HYDIN: variants seen among roughly 807,000 people sequenced by gnomAD.
HYDIN encodes axonemal central pair apparatus protein HYDIN.
Under a neutral mutation model 403.9 loss-of-function variants are expected in HYDIN, and 132 were observed. The ratio of observed to expected loss-of-function variants is 0.33; its 90% CI spans 0.28 to 0.38. The LOEUF (loss-of-function observed/expected upper bound fraction) is 0.38. Ranked by LOEUF, HYDIN falls within the 10% of genes least tolerant of loss-of-function variation. The pLI, the probability that HYDIN is intolerant of heterozygous loss-of-function variation, is 1.00. For missense variants in HYDIN, 2,827 were observed against 5,009.5 expected, an observed-to-expected ratio of 0.56 and a Z score of 13.15; for synonymous variants, 1,202 against 1,891.7, an observed-to-expected ratio of 0.64 and a Z score of 9.46.
At chr16:71,198,833 A>G (rs749804182) in intron 1 of HYDIN, among the ~76,000 whole-genome samples, 1 of 152,232 alleles carries the variant, frequency 6.6e-6, no homozygotes, top group Non-Finnish European at 1.5e-5. Context: ...TAACAAACTC[A>G]GACAAGTTGG....
chr16:70,993,576 T>G (rs546670802), intron 23 of HYDIN, among the ~76,000 whole-genome samples: 1 of 151,678 alleles, frequency 6.6e-6, no homozygotes, highest in East Asian at 1.9e-4. Flanking sequence ...ATCTTTTTGT[T>G]GATGGACACC....
intron 1 of HYDIN, among the ~76,000 whole-genome samples, chr16:71,229,550 T>C (rs2041188645): frequency 6.6e-6 from 1 of 152,156 alleles, no homozygotes; most frequent in Non-Finnish European, 1.5e-5. Flanking sequence ...TTCAATAGAA[T>C]AGTACGCAGC....
At chr16:71,203,207 T>C (rs536383162) in intron 1 of HYDIN, among the ~76,000 whole-genome samples, 5 of 152,154 alleles carry the variant, frequency 3.3e-5, no homozygotes, top group South Asian at 2.1e-4. Flanking sequence ...ATAGCAGACA[T>C]TGAGAGCAGT....
Position 70,807,157 on chromosome 16 carries a change from T to C in HYDIN, c.*423A>G, listed in dbSNP as rs141255159. 2.2e-4 allele frequency among the ~76,000 whole-genome samples: 33 copies of C among 152,340 alleles called. 1 individual carries two copies. The East Asian group carries it at 3.1e-3, about 14-fold the overall frequency. On this transcript the variant is annotated 3_prime_UTR_variant, in exon 86 of 86. Coordinates refer to ENST00000393567, the MANE Select transcript of HYDIN (RefSeq NM_001270974.2). ...AGCAGAATAAAATGCCACATCAAAATAGTCATGTCTAAGGGCTTTTTAAAC... is the reference window on the plus strand; with the variant it reads ...AGCAGAATAAAATGCCACATCAAAACAGTCATGTCTAAGGGCTTTTTAAAC...
intron 46 of HYDIN, among the ~76,000 whole-genome samples, chr16:70,919,477 C>T (rs779019055): frequency 8.6e-5 from 13 of 151,926 alleles, no homozygotes; most frequent in Non-Finnish European, 1.6e-4. Flanking sequence ...TACTGTGGGC[C>T]GCGGCACATG....
chr16:71,217,493 A>G (rs1254948188), intron 1 of HYDIN, among the ~76,000 whole-genome samples: 2 of 152,204 alleles, frequency 1.3e-5, no homozygotes, highest in Non-Finnish European at 2.9e-5. Flanking sequence ...AAAACAAAAT[A>G]AAAATCCACG....
At chr16:70,830,916 G>T (rs567174792) in intron 80 of HYDIN, among the ~76,000 whole-genome samples, 25 of 151,926 alleles carry the variant, frequency 1.6e-4, no homozygotes, top group African/African-American at 6.0e-4. Flanking sequence ...AGTCCAGGCT[G>T]CAGATAAAGA....
intron 10 of HYDIN, among the ~76,000 whole-genome samples, chr16:71,112,726 A>T (rs1212073708): frequency 6.6e-6 from 1 of 151,756 alleles, no homozygotes; most frequent in Non-Finnish European, 1.5e-5. Context: ...AAGAAGACTT[A>T]ACAGTGGTTA....
At chr16:70,993,488 G>C (rs2079425855) in intron 23 of HYDIN, among the ~76,000 whole-genome samples, 1 of 152,154 alleles carries the variant, frequency 6.6e-6, no homozygotes, top group Non-Finnish European at 1.5e-5. Context: ...ATGTTTTTGA[G>C]ATTTGTCCAT....
In HYDIN at chr16:71,092,797, T is replaced by G. The variant is rs111320839; in HGVS notation, c.1446+1020A>C. Among the ~76,000 whole-genome samples, 1,183 of 139,432 alleles carry G rather than the reference T, an allele frequency of 8.5e-3. 10 individuals are homozygous for G. Among genetic ancestry groups the G allele is most frequent in the African/African-American group, 0.033 (1,125 of 34,232 alleles). 91.5% of individuals were successfully genotyped at this position (139,432 alleles called of 152,430 possible). A position where few individuals can be genotyped will look rare whatever the true frequency, so the allele number is the denominator to read the frequency against. On this transcript the variant is annotated intron_variant, in intron 11 of 85. Transcript: ENST00000393567. ...AATTTCACCATATTGGCCAGGCTGG[T>G]CTTGAACTCCTGACCTCAAGTGATC...
intron 75 of HYDIN, among the ~76,000 whole-genome samples, chr16:70,843,470 C>A (rs1338993991): frequency 7.8e-6 from 1 of 127,798 alleles, no homozygotes; most frequent in Admixed American, 7.6e-5. Context: ...GGTTCCAAGT[C>A]TTTGCTATTG....
intron 1 of HYDIN, among the ~76,000 whole-genome samples, chr16:71,218,539 T>A (rs78143569): frequency 1.1e-4 from 16 of 152,350 alleles, no homozygotes; most frequent in Non-Finnish European, 1.8e-4. Flanking sequence ...ATCTGTTTAA[T>A]TGTAATTACA....
chr16:70,831,082 A>G (rs973626953), intron 80 of HYDIN, among the ~76,000 whole-genome samples: 34 of 150,280 alleles, frequency 2.3e-4, no homozygotes, highest in Non-Finnish European at 4.4e-5. Context: ...TACAGGCACG[A>G]GCTACTGTGT....
At chr16:70,854,560 G>A (rs1220434488) in intron 73 of HYDIN, among the ~76,000 whole-genome samples, 3 of 150,512 alleles carry the variant, frequency 2.0e-5, no homozygotes, top group Admixed American at 6.6e-5. Context: ...GATTACAGGC[G>A]CCCGCCAACA....
At chr16:71,008,533 A>G (rs980880129) in intron 23 of HYDIN, among the ~76,000 whole-genome samples, 3 of 152,194 alleles carry the variant, frequency 2.0e-5, no homozygotes, top group African/African-American at 7.2e-5. Flanking sequence ...GGCCATATAC[A>G]TCTGTCTACA....
At chr16:70,906,541 C>T (rs982439961) in intron 50 of HYDIN, among the ~76,000 whole-genome samples, 1 of 152,088 alleles carries the variant, frequency 6.6e-6, no homozygotes. Context: ...ATTGATGGCC[C>T]TTCCCATCTC....
At chr16:71,174,748 A>G (rs1021522627) in intron 5 of HYDIN, among the ~76,000 whole-genome samples, 5 of 152,152 alleles carry the variant, frequency 3.3e-5, no homozygotes, top group African/African-American at 1.2e-4. Flanking sequence ...CCACCACTGC[A>G]GTGGTACTGA....
intron 5 of HYDIN, among the ~76,000 whole-genome samples, chr16:71,170,760 T>C (rs986402927): frequency 6.6e-6 from 1 of 152,184 alleles, no homozygotes; most frequent in South Asian, 2.1e-4. Flanking sequence ...ACTGTGGTTA[T>C]GCTAACTTTT....
intron 76 of HYDIN, among the ~76,000 whole-genome samples, 161 bp from the exon 77 acceptor site, chr16:70,838,049 G>A (rs2037556168): frequency 6.6e-6 from 1 of 151,894 alleles, no homozygotes; most frequent in Non-Finnish European, 1.5e-5. Context: ...GCTCAGCAAT[G>A]ACCCAGCCCA....
Sources: gnomAD v4.1 joint callset for allele counts (sites outside exome capture counted in the v4.1 genomes callset) on GRCh38, gnomAD v4.1.1 for gene constraint, MANE v1.5 for transcripts, NCBI Gene and HGNC (gene_info 2026-07-23, HGNC 2026-07-21) for gene names.